Variants in RARB observed in about 807,000 individuals in gnomAD.
The protein encoded by RARB is retinoic acid receptor beta.
A neutral mutation model predicts 51.9 loss-of-function variants in RARB; 17 were observed. That is an observed-to-expected ratio of 0.33 (90% CI 0.22 to 0.49). The LOEUF is 0.49. Among genes scored for constraint, RARB ranks in the 20% least tolerant of loss-of-function variants. RARB has a pLI of 0.99. For synonymous variants in RARB, 215 were observed against 195.4 expected, an observed-to-expected ratio of 1.10 and a Z score of -0.84; for missense variants, 369 against 550.8, an observed-to-expected ratio of 0.67 and a Z score of 3.30.
chr3:25,527,881 G>T (rs1244744481), intron 3 of RARB, among the ~76,000 whole-genome samples: 2 of 152,112 alleles, frequency 1.3e-5, no homozygotes, highest in Non-Finnish European at 2.9e-5. Context: ...GCCCCCCACA[G>T]ATTTTCTTGC....
At chr3:25,579,223 A>G (rs1023436715) in intron 4 of RARB, among the ~76,000 whole-genome samples, 1 of 152,232 alleles carries the variant, frequency 6.6e-6, no homozygotes, top group South Asian at 2.1e-4. Flanking sequence ...TTATTGCAGT[A>G]TATTTTACAT....
intron 2 of RARB, among the ~76,000 whole-genome samples, chr3:24,976,119 A>G (rs905586764): frequency 7.2e-5 from 11 of 152,278 alleles, no homozygotes; most frequent in African/African-American, 2.2e-4. Flanking sequence ...TTATGGCTGC[A>G]TAGTATTCCA....
In RARB at chr3:25,428,684, A is replaced by G; in HGVS notation, c.-48A>G. 1 of 1,562,488 alleles carries G rather than the reference A, an allele frequency of 6.4e-7. No homozygotes were observed. Among genetic ancestry groups the G allele is most frequent in the African/African-American group, 1.3e-5 (1 of 74,122 alleles). ...GGACTTTTCTATGCCATTTGCCTCC[A>G]CACCTAGAGGATAAGCACTTTTGCA... is the stretch of plus-strand genomic sequence containing the variant. On this transcript the variant is annotated 5_prime_UTR_variant, in exon 1 of 8. Coordinates refer to ENST00000330688, the MANE Select transcript of RARB (RefSeq NM_000965.5).
At chr3:25,263,335 T>C (rs1394639649) in intron 5 of RARB, among the ~76,000 whole-genome samples, 1 of 152,180 alleles carries the variant, frequency 6.6e-6, no homozygotes, top group African/African-American at 2.4e-5. Flanking sequence ...TTTATGAATA[T>C]GGAAACTGTG....
intron 2 of RARB, among the ~76,000 whole-genome samples, chr3:25,055,575 T>A (rs1243506785): frequency 6.6e-6 from 1 of 152,148 alleles, no homozygotes; most frequent in Admixed American, 6.5e-5. Flanking sequence ...TTTGGGAAAC[T>A]AGCTGTCTTA....
rs963018043 is a variant in RARB, at chr3:25,286,471, G to A, written c.178+111896G>A. ...TATAATCCCTCTAGCCTACTGAGAA[G>A]CCCTCTGATGTTTCTCCTCCTCTCC... On this transcript the variant is annotated intron_variant, in intron 5 of 11. Transcript: ENST00000383772. 2.1e-4 allele frequency among the ~76,000 whole-genome samples: 32 copies of A among 152,088 alleles called. 1 individual carries two copies. Among genetic ancestry groups the A allele is most frequent in the African/African-American group, 7.7e-4 (32 of 41,400 alleles).
chr3:25,403,865 C>A (rs1575375897), intron 5 of RARB, among the ~76,000 whole-genome samples: 6 of 69,094 alleles, frequency 8.7e-5, no homozygotes, highest in Admixed American at 5.8e-4. Context: ...CCAAGTGTCA[C>A]AAGCTGTGAA....
intron 5 of RARB, among the ~76,000 whole-genome samples, chr3:25,204,799 G>A (rs187128811): frequency 6.4e-4 from 97 of 152,312 alleles, no homozygotes; most frequent in African/African-American, 2.1e-3. Flanking sequence ...TTGTCTCAGA[G>A]TAGTACCCAG....
rs1363465039 is a variant in RARB at position 25,467,027 on chromosome 3, G to T, written c.306+5686G>T. Among the ~76,000 whole-genome samples, 7 of 152,314 alleles carry T rather than the reference G, an allele frequency of 4.6e-5. No individual in the cohort carries two copies. In the East Asian group the frequency reaches 1.4e-3, roughly 29 times the overall value. On this transcript the variant is annotated intron_variant, in intron 2 of 7. Coordinates refer to ENST00000330688, the MANE Select transcript of RARB (RefSeq NM_000965.5). ...CTGCTCCACTTCCACACTGCTAAAA[G>T]AAGTTCATGTCCACCTGCCCAGGGC... is the stretch of plus-strand genomic sequence containing the variant.
intron 2 of RARB, among the ~76,000 whole-genome samples, chr3:24,907,724 T>G (rs1694896231): frequency 6.6e-6 from 1 of 152,008 alleles, no homozygotes. Context: ...TACATAAATC[T>G]TACTTGAAAA....
At chr3:25,398,361 G>A (rs1195050222) in intron 5 of RARB, among the ~76,000 whole-genome samples, 5 of 152,002 alleles carry the variant, frequency 3.3e-5, no homozygotes, top group Non-Finnish European at 5.9e-5. Context: ...ATACCAAGGG[G>A]AAAGAAAAGC....
chr3:25,380,243 G>A (rs558161023), intron 5 of RARB, among the ~76,000 whole-genome samples: 1 of 152,076 alleles, frequency 6.6e-6, no homozygotes, highest in Non-Finnish European at 1.5e-5. Flanking sequence ...CAGGATCCTC[G>A]CATGCAGGAC....
Position 25,445,807 on chromosome 3 carries a change from T to C in RARB, c.158-15386T>C, listed in dbSNP as rs555567274. On this transcript the variant is annotated intron_variant, in intron 1 of 7. Coordinates refer to ENST00000330688, the MANE Select transcript of RARB (RefSeq NM_000965.5). ...TGGAGCGAAAAGATGGCTGGAATTG[T>C]GTCATTTTGGACGTTGAAAGCTGGG... Among the ~76,000 whole-genome samples the C allele has an allele frequency of 5.3e-5, 8 of 152,344 alleles. No individual in the cohort carries two copies. In the South Asian group the frequency reaches 1.7e-3, roughly 32 times the overall value.
At chr3:25,529,440 C>G (rs1698801286) in intron 3 of RARB, among the ~76,000 whole-genome samples, 1 of 152,224 alleles carries the variant, frequency 6.6e-6, no homozygotes, top group South Asian at 2.1e-4. Context: ...AAGCATCTGT[C>G]TCTGACAACT....
chr3:24,917,480 G>C (rs890183933), intron 2 of RARB, among the ~76,000 whole-genome samples: 2 of 152,210 alleles, frequency 1.3e-5, no homozygotes, highest in East Asian at 3.8e-4. Context: ...ATGGACAAAA[G>C]ATTTGATTGA....
At chr3:25,206,805 C>G (rs1289441014) in intron 5 of RARB, among the ~76,000 whole-genome samples, 1 of 152,174 alleles carries the variant, frequency 6.6e-6, no homozygotes, top group Non-Finnish European at 1.5e-5. Flanking sequence ...TCTCCAAACC[C>G]TGACTACTTT....
At chr3:24,883,200 C>A (rs1703202580) in intron 2 of RARB, among the ~76,000 whole-genome samples, 1 of 152,102 alleles carries the variant, frequency 6.6e-6, no homozygotes, top group Non-Finnish European at 1.5e-5. Flanking sequence ...TTTAAAGTTC[C>A]AACTGAAGTC....
chr3:24,904,775 A>G (rs1009994822), intron 2 of RARB, among the ~76,000 whole-genome samples: 2 of 152,226 alleles, frequency 1.3e-5, no homozygotes, highest in African/African-American at 4.8e-5. Context: ...ATGCCCATCA[A>G]TGATAGGCTG....
At chr3:25,262,709 C>A (rs1216261939) in intron 5 of RARB, among the ~76,000 whole-genome samples, 2 of 152,132 alleles carry the variant, frequency 1.3e-5, no homozygotes, top group Admixed American at 1.3e-4. Context: ...CCTGGGAAAT[C>A]CAGGAGAATC....
Sources: allele counts gnomAD v4.1 joint callset (sites outside exome capture counted in the v4.1 genomes callset), GRCh38; gene constraint gnomAD v4.1.1; transcripts MANE v1.5; gene names NCBI Gene and HGNC (gene_info 2026-07-23, HGNC 2026-07-21).